PDE4D: variants seen among roughly 807,000 people sequenced by gnomAD.
PDE4D encodes the protein 3',5'-cyclic-AMP phosphodiesterase 4D.
Under a neutral mutation model 87.4 loss-of-function variants are expected in PDE4D, and 24 were observed. That is an observed-to-expected ratio of 0.27 (90% CI 0.20 to 0.39). The LOEUF (loss-of-function observed/expected upper bound fraction) is 0.39, where lower values mean the gene tolerates loss of function less well. Ranked by LOEUF, PDE4D falls within the 10% of genes least tolerant of loss-of-function variation. PDE4D has a pLI of 1.00. For missense variants in PDE4D, 714 were observed against 1,041.0 expected, an observed-to-expected ratio of 0.69 and a Z score of 4.32; for synonymous variants, 384 against 383.2, an observed-to-expected ratio of 1.00 and a Z score of -0.02.
intron 5 of PDE4D, among the ~76,000 whole-genome samples, chr5:59,158,761 A>G (rs1410540882): frequency 6.6e-6 from 1 of 152,244 alleles, no homozygotes; most frequent in Non-Finnish European, 1.5e-5. Context: ...AAAATTACAC[A>G]GAGAGCTAGG....
At chr5:59,759,471 G>C (rs1274878971) in intron 1 of PDE4D, among the ~76,000 whole-genome samples, 1 of 152,130 alleles carries the variant, frequency 6.6e-6, no homozygotes, top group Non-Finnish European at 1.5e-5. Context: ...AAGCTGCAAG[G>C]TTATCCAAGG....
At chr5:59,612,941 T>C (rs1829191034) in intron 1 of PDE4D, among the ~76,000 whole-genome samples, 1 of 152,084 alleles carries the variant, frequency 6.6e-6, no homozygotes, top group Admixed American at 6.6e-5. Flanking sequence ...TAGTAGATTA[T>C]TATAAAGACC....
At chr5:59,746,222 T>A (rs1365973747) in intron 1 of PDE4D, among the ~76,000 whole-genome samples, 1 of 152,172 alleles carries the variant, frequency 6.6e-6, no homozygotes, top group Non-Finnish European at 1.5e-5. Context: ...GGGCTATACA[T>A]CTGCAAACTA....
At chr5:60,315,740 G>T (rs1205434369) in intron 1 of PDE4D, among the ~76,000 whole-genome samples, 1 of 152,160 alleles carries the variant, frequency 6.6e-6, no homozygotes, top group Non-Finnish European at 1.5e-5. Context: ...TTATTAAATA[G>T]GGAATCCTTT....
chr5:59,677,750 C>T (rs980803548), intron 1 of PDE4D, among the ~76,000 whole-genome samples: 1 of 152,160 alleles, frequency 6.6e-6, no homozygotes, highest in Non-Finnish European at 1.5e-5. Context: ...CAGCCCAGCA[C>T]CAACCAAGTA....
chr5:60,066,108 C>A (rs1354120798), intron 2 of PDE4D, among the ~76,000 whole-genome samples: 3 of 152,096 alleles, frequency 2.0e-5, no homozygotes, highest in Non-Finnish European at 4.4e-5. Flanking sequence ...TGTTTCCTGA[C>A]TTTTTAATGA....
At chr5:59,513,003 G>A (rs986030874) in intron 1 of PDE4D, among the ~76,000 whole-genome samples, 19 of 151,954 alleles carry the variant, frequency 1.3e-4, no homozygotes, top group Non-Finnish European at 2.1e-4. Flanking sequence ...ATTACATATC[G>A]TTTTCAAAGT....
At chr5:60,324,883 T>C (rs150954554) in intron 1 of PDE4D, among the ~76,000 whole-genome samples, 6 of 152,298 alleles carry the variant, frequency 3.9e-5, no homozygotes, top group African/African-American at 1.4e-4. Flanking sequence ...TATAGTCAAC[T>C]ATAGCTCTCA....
At position 59,735,616 on chromosome 5, in the gene PDE4D, T is replaced by A. The variant is rs188030808; in HGVS notation, c.455+157552A>T. Reference sequence around the variant, plus strand: ...TATATTTTAGATGGAATAGATTTAGTTTTTCTAAATATAAAAAGCAAGCAT... The same window carrying A: ...TATATTTTAGATGGAATAGATTTAGATTTTCTAAATATAAAAAGCAAGCAT... On this transcript the variant is annotated intron_variant, in intron 1 of 14. Coordinates refer to ENST00000340635, the MANE Select transcript of PDE4D (RefSeq NM_001104631.2). Among the ~76,000 whole-genome samples, 10 of 152,308 alleles carry A rather than the reference T, an allele frequency of 6.6e-5. No individual in the cohort carries two copies. In the East Asian group the frequency reaches 1.5e-3, roughly 23 times the overall value.
At chr5:59,066,993 TTTATTTA>T (rs1764042764) in intron 5 of PDE4D, among the ~76,000 whole-genome samples, 2 of 109,926 alleles carry the variant, frequency 1.8e-5, no homozygotes, top group African/African-American at 6.2e-5. Flanking sequence ...TCGTGATTTA[TTTATTTA>T]TTTATTTATT....
intron 1 of PDE4D, among the ~76,000 whole-genome samples, chr5:60,495,174 C>T (rs2150239546): frequency 6.6e-6 from 1 of 152,334 alleles, no homozygotes; most frequent in East Asian, 1.9e-4. Context: ...CAATCACCAG[C>T]AACTAAAAGA....
chr5:59,866,343 T>G (rs936025794), intron 1 of PDE4D, among the ~76,000 whole-genome samples: 2 of 152,212 alleles, frequency 1.3e-5, no homozygotes, highest in Non-Finnish European at 2.9e-5. Flanking sequence ...CACATTCTAG[T>G]AAAAGAAATA....
chr5:59,000,657 G>C (rs1267378501), intron 6 of PDE4D, among the ~76,000 whole-genome samples: 3 of 152,122 alleles, frequency 2.0e-5, no homozygotes, highest in Non-Finnish European at 4.4e-5. Context: ...TTTGTATATA[G>C]AACTCAGGAT....
intron 1 of PDE4D, among the ~76,000 whole-genome samples, chr5:60,217,405 G>A (rs1429248654): frequency 6.6e-6 from 1 of 151,904 alleles, no homozygotes; most frequent in African/African-American, 2.4e-5. Context: ...GGCCAAGATG[G>A]TAAATTTTAT....
intron 1 of PDE4D, among the ~76,000 whole-genome samples, chr5:59,611,624 G>A (rs548185189): frequency 6.6e-6 from 1 of 152,186 alleles, no homozygotes; most frequent in South Asian, 2.1e-4. Context: ...CACAGTGCCT[G>A]GTACACAGTA....
chr5:59,633,488 G>T (rs1258840514), intron 1 of PDE4D, among the ~76,000 whole-genome samples: 1 of 152,180 alleles, frequency 6.6e-6, no homozygotes, highest in Non-Finnish European at 1.5e-5. Context: ...CAGCCAGAGA[G>T]AAAGGTTGGG....
chr5:59,646,749 C>A (rs1742509085), intron 1 of PDE4D, among the ~76,000 whole-genome samples: 1 of 152,092 alleles, frequency 6.6e-6, no homozygotes, highest in Non-Finnish European at 1.5e-5. Flanking sequence ...AATTTGTAGA[C>A]AATAGGCCGG....
chr5:59,373,914 A>G (rs1784325008), intron 1 of PDE4D, among the ~76,000 whole-genome samples: 1 of 152,232 alleles, frequency 6.6e-6, no homozygotes. Flanking sequence ...ACAATTTCAT[A>G]TCTGGCCAAA....
Position 59,029,416 on chromosome 5 carries a change from C to CAAA in PDE4D, c.921+9440_921+9442dup, listed in dbSNP as rs34120574. 7.7e-3 allele frequency among the ~76,000 whole-genome samples: 662 copies of CAAA among 86,186 alleles called. 17 individuals carry two copies. Among genetic ancestry groups the CAAA allele is most frequent in the African/African-American group, 0.012 (243 of 20,590 alleles). 56.5% of individuals were successfully genotyped at this position (86,186 alleles called of 152,430 possible). On this transcript the variant is annotated intron_variant, in intron 6 of 14. Coordinates refer to ENST00000340635, the MANE Select transcript of PDE4D (RefSeq NM_001104631.2). The stretch of plus-strand genomic sequence containing the variant: ...TGGGCAACAGAGCGAGACTCCATCA[C>CAAA]AAAAAAAAAAAAAAAAAAAAACTTA...
Sources: gnomAD v4.1 joint callset for allele counts (sites outside exome capture counted in the v4.1 genomes callset) on GRCh38, gnomAD v4.1.1 for gene constraint, MANE v1.5 for transcripts, NCBI Gene and HGNC (gene_info 2026-07-23, HGNC 2026-07-21) for gene names.